LINGO2: variants seen among roughly 807,000 people sequenced by gnomAD.
LINGO2 encodes the protein leucine rich repeat and Ig domain containing 2.
Under a neutral mutation model 30.6 loss-of-function variants are expected in LINGO2, and 14 were observed. The ratio of observed to expected loss-of-function variants is 0.46; its 90% CI spans 0.30 to 0.72. The LOEUF (loss-of-function observed/expected upper bound fraction) is 0.72. Ranked by LOEUF, LINGO2 falls within the 30% of genes least tolerant of loss-of-function variation. The pLI, the probability that LINGO2 is intolerant of heterozygous loss-of-function variation, is 0.07. For missense variants in LINGO2, 729 were observed against 751.7 expected (o/e 0.97, Z 0.35); for synonymous variants, 317 against 288.5 (o/e 1.10, Z -1.00).
upstream of LINGO2, among the ~76,000 whole-genome samples, chr9:28,671,604 A>T (rs956741988): frequency 1.3e-5 from 2 of 151,560 alleles, no homozygotes; most frequent in Non-Finnish European, 2.9e-5. Flanking sequence ...GAATACACGG[A>T]TACAAAGAAA....
the LINGO2 span, among the ~76,000 whole-genome samples, chr9:29,189,380 C>T: frequency 3.2e-3 from 458 of 143,424 alleles, 2 homozygotes; most frequent in African/African-American, 0.011. Flanking sequence ...TCAGACGGGG[C>T]GGTTGCCGGG....
At chr9:28,993,140 G>T in the LINGO2 span, among the ~76,000 whole-genome samples, 2 of 152,152 alleles carry the variant, frequency 1.3e-5, no homozygotes, top group Admixed American at 1.3e-4. Flanking sequence ...AAGAAGAAAA[G>T]AGAGAAGAAT....
At chr9:28,601,418 T>A (rs1825466362) in intron 1 of LINGO2, among the ~76,000 whole-genome samples, 1 of 152,082 alleles carries the variant, frequency 6.6e-6, no homozygotes, top group Admixed American at 6.6e-5. Flanking sequence ...ACTTCTGCGG[T>A]CTCTTGTTGA....
chr9:29,050,986 T>C, the LINGO2 span, among the ~76,000 whole-genome samples: 1 of 152,200 alleles, frequency 6.6e-6, no homozygotes, highest in Non-Finnish European at 1.5e-5. Context: ...GGGCACTAAA[T>C]GTGTTTTTTA....
At position 27,969,812 on chromosome 9, in the gene LINGO2, C is replaced by T. The variant is rs76864629; in HGVS notation, c.-35-19106G>A. 3.7e-3 allele frequency among the ~76,000 whole-genome samples: 563 copies of T among 152,130 alleles called. 5 individuals carry two copies. The highest frequency in any genetic ancestry group is 0.013 in the African/African-American group (540 of 41,506). ...ATTGAGTCTCAGGAGATCTGAGCTACTAGATCAAGGTCAGTTAGGTAGTGT... is the reference window on the plus strand; with the variant it reads ...ATTGAGTCTCAGGAGATCTGAGCTATTAGATCAAGGTCAGTTAGGTAGTGT... On this transcript the variant is annotated intron_variant, in intron 5 of 5. Transcript: ENST00000379992.
the LINGO2 span, among the ~76,000 whole-genome samples, chr9:28,981,972 A>T: frequency 6.6e-6 from 1 of 152,148 alleles, no homozygotes; most frequent in African/African-American, 2.4e-5. Flanking sequence ...TGCCGGCATA[A>T]GTGTTACAGC....
At chr9:28,639,026 T>C (rs188422326) in intron 1 of LINGO2, among the ~76,000 whole-genome samples, 163 of 152,288 alleles carry the variant, frequency 1.1e-3, no homozygotes, top group Admixed American at 6.1e-3. Flanking sequence ...TGTGTCTTTG[T>C]TCTCGTTGGT....
At chr9:28,617,777 G>A (rs116013431) in intron 1 of LINGO2, among the ~76,000 whole-genome samples, 1,555 of 151,882 alleles carry the variant, frequency 0.01, 25 homozygotes, top group African/African-American at 0.032. Context: ...TGATTAGAAT[G>A]AAAAATGTAA....
At chr9:29,014,263 C>A in the LINGO2 span, among the ~76,000 whole-genome samples, 167 of 152,258 alleles carry the variant, frequency 1.1e-3, 1 homozygote, top group African/African-American at 3.9e-3. Context: ...GCATAAGCCA[C>A]ACTAAAATGG....
rs1827893985 is a variant in LINGO2 at position 28,148,809 on chromosome 9, A to T, written c.-86-136404T>A. 6.5e-7 allele frequency: 1 copy of T among 1,533,890 alleles called. No homozygotes were observed. Among genetic ancestry groups the T allele is most frequent in the Non-Finnish European group, 8.7e-7 (1 of 1,146,612 alleles). The stretch of plus-strand genomic sequence containing the variant: ...CCAGGCTGCTCCCTGTGGCCAGAGA[A>T]GGCGGCCTTGAAGGTGCTGGGTAAA... On this transcript the variant is annotated intron_variant, in intron 4 of 5. Transcript: ENST00000379992. The surrounding 1 kb of genome is among the most constrained non-coding windows in gnomAD (Gnocchi z 5.1).
chr9:29,108,942 ACTT>A, the LINGO2 span, among the ~76,000 whole-genome samples: 1 of 152,322 alleles, frequency 6.6e-6, no homozygotes, highest in East Asian at 1.9e-4. Flanking sequence ...ACTTATTCTA[ACTT>A]CTTTTCTATC....
intron 4 of LINGO2, among the ~76,000 whole-genome samples, chr9:28,063,758 A>G (rs1176214920): frequency 6.6e-6 from 1 of 152,168 alleles, no homozygotes; most frequent in Non-Finnish European, 1.5e-5. Context: ...TATTTCTCCA[A>G]GACCATTTTC....
At chr9:29,045,602 G>A in the LINGO2 span, among the ~76,000 whole-genome samples, 10 of 148,920 alleles carry the variant, frequency 6.7e-5, no homozygotes, top group African/African-American at 1.7e-4. Context: ...AAAAACCCTC[G>A]AAAACTGGGG....
At chr9:28,711,139 T>G in the LINGO2 span, among the ~76,000 whole-genome samples, 1 of 152,262 alleles carries the variant, frequency 6.6e-6, no homozygotes, top group East Asian at 1.9e-4. Context: ...AATGTATTTA[T>G]TAAGTGCTTA....
chr9:28,483,263 A>C (rs1283609420), intron 1 of LINGO2, among the ~76,000 whole-genome samples: 3 of 152,100 alleles, frequency 2.0e-5, no homozygotes, highest in African/African-American at 7.2e-5. Flanking sequence ...AAAGCAATGG[A>C]CTATCTGCTG....
chr9:28,190,381 C>T (rs4878211), intron 4 of LINGO2, among the ~76,000 whole-genome samples: 110,139 of 151,976 alleles, frequency 0.72, 40,029 homozygotes, highest in Admixed American at 0.77. Flanking sequence ...TGCAATGAAC[C>T]GAATATTTTT....
At chr9:28,448,293 C>T (rs1242851922) in intron 2 of LINGO2, among the ~76,000 whole-genome samples, 2 of 152,054 alleles carry the variant, frequency 1.3e-5, no homozygotes, top group Non-Finnish European at 2.9e-5. Context: ...TAGTCAAGGA[C>T]ATGACTGGTA....
intron 4 of LINGO2, among the ~76,000 whole-genome samples, chr9:28,237,806 A>G (rs942056311): frequency 6.6e-6 from 1 of 152,180 alleles, no homozygotes; most frequent in African/African-American, 2.4e-5. Flanking sequence ...GTGAGCCAAG[A>G]TTGTGCCACT....
chr9:28,665,038 T>TATA (rs1828743794), intron 1 of LINGO2, among the ~76,000 whole-genome samples: 1 of 127,514 alleles, frequency 7.8e-6, no homozygotes, highest in Non-Finnish European at 1.7e-5. Context: ...TATATATATA[T>TATA]GTTATAAGCG....
Sources: allele counts gnomAD v4.1 joint callset (sites outside exome capture counted in the v4.1 genomes callset), GRCh38; gene constraint gnomAD v4.1.1; non-coding constraint Gnocchi (gnomAD v3.1); transcripts MANE v1.5; gene names NCBI Gene and HGNC (gene_info 2026-07-23, HGNC 2026-07-21).